CDH12: variants seen among roughly 807,000 people sequenced by gnomAD.
The protein encoded by CDH12 is cadherin-12.
CDH12 carries 41 observed loss-of-function variants against 74.1 expected under a neutral mutation model. The ratio of observed to expected loss-of-function variants is 0.55; its 90% CI spans 0.43 to 0.72. The LOEUF (loss-of-function observed/expected upper bound fraction) is 0.72, where lower values mean the gene tolerates loss of function less well. Among genes scored for constraint, CDH12 ranks in the 30% least tolerant of loss-of-function variants. CDH12 has a pLI of 0.00. For missense variants in CDH12, 945 were observed against 977.2 expected, an observed-to-expected ratio of 0.97 and a Z score of 0.44; for synonymous variants, 399 against 355.0, an observed-to-expected ratio of 1.12 and a Z score of -1.39.
At chr5:22,481,277 G>T (rs1311994334) in intron 2 of CDH12, among the ~76,000 whole-genome samples, 2 of 152,178 alleles carry the variant, frequency 1.3e-5, no homozygotes, top group African/African-American at 4.8e-5. Flanking sequence ...AGCTGCTATA[G>T]AAAACAGTAC....
At chr5:22,620,373 A>G (rs2126839029) in intron 1 of CDH12, among the ~76,000 whole-genome samples, 1 of 152,174 alleles carries the variant, frequency 6.6e-6, no homozygotes, top group East Asian at 1.9e-4. Flanking sequence ...TTATAATTTT[A>G]ATTTATTAGG....
chr5:22,279,876 C>T (rs1440907949), intron 3 of CDH12, among the ~76,000 whole-genome samples: 1 of 152,076 alleles, frequency 6.6e-6, no homozygotes, highest in Non-Finnish European at 1.5e-5. Flanking sequence ...ATTTATATTC[C>T]TTTGGGTATA....
At chr5:22,558,210 C>G (rs1456796996) in intron 1 of CDH12, among the ~76,000 whole-genome samples, 1 of 151,950 alleles carries the variant, frequency 6.6e-6, no homozygotes. Flanking sequence ...CAGACAGGCT[C>G]TTGTATCAGA....
At chr5:22,359,521 C>A (rs563847218) in intron 3 of CDH12, among the ~76,000 whole-genome samples, 1 of 152,056 alleles carries the variant, frequency 6.6e-6, no homozygotes, top group African/African-American at 2.4e-5. Context: ...GACAGATCAA[C>A]GAGACAGAAA....
At chr5:22,374,092 C>T (rs1390554911) in intron 3 of CDH12, among the ~76,000 whole-genome samples, 1 of 152,020 alleles carries the variant, frequency 6.6e-6, no homozygotes, top group Non-Finnish European at 1.5e-5. Flanking sequence ...TCCAACAGCA[C>T]ATCAAAAAGA....
Position 22,669,026 on chromosome 5 carries a change from T to G in CDH12, c.-522-163662A>C, listed in dbSNP as rs576339146. ...CACTTGAGGCACCAGGATTCATTACTGGTATAGGTCTTCAAATGTGTTATC... is the reference window on the plus strand; with the variant it reads ...CACTTGAGGCACCAGGATTCATTACGGGTATAGGTCTTCAAATGTGTTATC... On this transcript the variant is annotated intron_variant, in intron 1 of 14. Coordinates refer to ENST00000382254, the MANE Select transcript of CDH12 (RefSeq NM_004061.5). Among the ~76,000 whole-genome samples the G allele has an allele frequency of 3.9e-5, 6 of 152,306 alleles. No individual in the cohort carries two copies. The East Asian group carries it at 1.2e-3, about 29-fold the overall frequency.
chr5:22,394,348 C>A (rs79974932), intron 3 of CDH12, among the ~76,000 whole-genome samples: 2,242 of 151,986 alleles, frequency 0.015, 32 homozygotes, highest in South Asian at 0.025. Context: ...CTAGCTTGGA[C>A]CAAAAGGAAC....
At chr5:22,472,880 T>C (rs1392498988) in intron 2 of CDH12, among the ~76,000 whole-genome samples, 1 of 152,170 alleles carries the variant, frequency 6.6e-6, no homozygotes, top group Non-Finnish European at 1.5e-5. Flanking sequence ...GACATCCTTT[T>C]AAAATGCAAG....
chr5:22,248,649 A>G (rs1753038330), intron 3 of CDH12, among the ~76,000 whole-genome samples: 1 of 152,180 alleles, frequency 6.6e-6, no homozygotes, highest in Non-Finnish European at 1.5e-5. Context: ...CAGGAACAGA[A>G]TCCTTATTTT....
chr5:22,092,475 C>T lies in CDH12; in HGVS notation c.-186-13613G>A, dbSNP rs116221034. Reference sequence around the variant, plus strand: ...GCTTTGAATAGACATTTCTCCAAATCAGATACACACATGGACAATATGCCC... The same window carrying T: ...GCTTTGAATAGACATTTCTCCAAATTAGATACACACATGGACAATATGCCC... On this transcript the variant is annotated intron_variant, in intron 4 of 14. Coordinates refer to ENST00000382254, the MANE Select transcript of CDH12 (RefSeq NM_004061.5). Among the ~76,000 whole-genome samples, 950 of 152,192 alleles carry T rather than the reference C, an allele frequency of 6.2e-3. 10 individuals are homozygous for T. Among genetic ancestry groups the T allele is most frequent in the African/African-American group, 0.022 (910 of 41,518 alleles).
At chr5:22,347,461 C>T (rs1740166771) in intron 3 of CDH12, among the ~76,000 whole-genome samples, 1 of 152,172 alleles carries the variant, frequency 6.6e-6, no homozygotes, top group Non-Finnish European at 1.5e-5. Context: ...TCCAGACCTT[C>T]AGCCACAGAC....
At chr5:22,349,952 G>T (rs1347180476) in intron 3 of CDH12, among the ~76,000 whole-genome samples, 1 of 152,130 alleles carries the variant, frequency 6.6e-6, no homozygotes, top group African/African-American at 2.4e-5. Flanking sequence ...ATAAATGATT[G>T]TACACAGTTC....
chr5:22,329,786 A>G (rs538578304), intron 3 of CDH12, among the ~76,000 whole-genome samples: 1 of 152,272 alleles, frequency 6.6e-6, no homozygotes, highest in Admixed American at 6.5e-5. Context: ...GCGCCCACAC[A>G]TGGAGGGAGC....
At chr5:22,652,230 T>A (rs1310330686) in intron 1 of CDH12, among the ~76,000 whole-genome samples, 3 of 152,118 alleles carry the variant, frequency 2.0e-5, no homozygotes, top group African/African-American at 4.8e-5. Context: ...ATGTAAATGA[T>A]CTCCTGCACA....
intron 1 of CDH12, among the ~76,000 whole-genome samples, chr5:22,586,993 G>A (rs1410882206): frequency 3.3e-5 from 5 of 151,710 alleles, no homozygotes; most frequent in South Asian, 2.1e-4. Flanking sequence ...ATTATACCAC[G>A]CCTGGCTAAT....
chr5:22,459,382 C>A (rs1022803658), intron 2 of CDH12, among the ~76,000 whole-genome samples: 51 of 152,086 alleles, frequency 3.4e-4, no homozygotes, highest in African/African-American at 1.2e-3. Context: ...TGTATTGCAA[C>A]ATTAAAATTT....
chr5:22,032,158 C>T (rs1039050550), intron 5 of CDH12, among the ~76,000 whole-genome samples: 2 of 151,506 alleles, frequency 1.3e-5, no homozygotes, highest in African/African-American at 2.4e-5. Context: ...TATGACATGC[C>T]TGTCAACTAT....
intron 1 of CDH12, among the ~76,000 whole-genome samples, chr5:22,674,314 AT>A (rs1399192013): frequency 1.3e-5 from 2 of 152,100 alleles, no homozygotes; most frequent in African/African-American, 4.8e-5. Flanking sequence ...AGATCTGATG[AT>A]TTTAAAAAGA....
chr5:21,860,521 G>T (rs2150007337), intron 6 of CDH12, among the ~76,000 whole-genome samples: 1 of 152,160 alleles, frequency 6.6e-6, no homozygotes, highest in Admixed American at 6.6e-5. Flanking sequence ...CTGTGAGGTT[G>T]TTGCCAAAGG....
Sources: allele counts gnomAD v4.1 joint callset (sites outside exome capture counted in the v4.1 genomes callset), GRCh38; gene constraint gnomAD v4.1.1; transcripts MANE v1.5; gene names NCBI Gene and HGNC (gene_info 2026-07-23, HGNC 2026-07-21).